FGF13: variants seen among roughly 807,000 people sequenced by gnomAD.
FGF13 encodes fibroblast growth factor homologous factor 2.
Under a neutral mutation model 19.5 loss-of-function variants are expected in FGF13, and 2 were observed. The ratio of observed to expected loss-of-function variants is 0.10; its 90% CI spans 0.04 to 0.32. The LOEUF (loss-of-function observed/expected upper bound fraction) is 0.32, where lower values mean the gene tolerates loss of function less well. Ranked by LOEUF, FGF13 falls within the 10% of genes least tolerant of loss-of-function variation. The pLI is 1.00. For missense variants in FGF13, 113 were observed against 192.7 expected (o/e 0.59, Z 2.45); for synonymous variants, 72 against 76.9 (o/e 0.94, Z 0.33).
intron 1 of FGF13, among the ~76,000 whole-genome samples, chrX:138,720,361 A>G (rs2090139547): frequency 8.9e-6 from 1 of 112,254 alleles, no homozygotes; most frequent in African/African-American, 3.2e-5. Flanking sequence ...AATACTTATA[A>G]TAACCTTATG....
chrX:138,818,678 G>A (rs1195751482), intron 3 of FGF13, among the ~76,000 whole-genome samples: 1 of 110,751 alleles, frequency 9.0e-6, no homozygotes, highest in East Asian at 2.8e-4. Context: ...TCTTAAACAA[G>A]CAATTCGGTA....
At chrX:138,742,275 A>G (rs2090324591), upstream of FGF13, among the ~76,000 whole-genome samples, 1 of 112,284 alleles carries the variant, frequency 8.9e-6, no homozygotes, top group African/African-American at 3.2e-5. Context: ...GAGAAGGTGA[A>G]TACACTAGAT....
intron 1 of FGF13, among the ~76,000 whole-genome samples, chrX:139,006,494 C>T (rs1215234645): frequency 2.7e-5 from 3 of 111,338 alleles, no homozygotes; most frequent in Non-Finnish European, 3.8e-5. Flanking sequence ...ACTGAAGGTA[C>T]AAAACTCACT....
Position 138,617,023 on chromosome X carries a change from A to G in FGF13, c.*15827T>C, listed in dbSNP as rs1187787273. On this transcript the variant is annotated 3_prime_UTR_variant, in exon 5 of 5. Coordinates refer to ENST00000315930, the MANE Select transcript of FGF13 (RefSeq NM_004114.5). ...TTTCCTTCAAGGCCTCCTGGCCTAT[A>G]ATGGGAGAGGCTGCAGTGAAGGTCT... 1 of 111,916 alleles carries G rather than the reference A, an allele frequency of 8.9e-6. No individual in the cohort carries two copies. Among genetic ancestry groups the G allele is most frequent in the African/African-American group, 3.3e-5 (1 of 30,741 alleles). 9.2% of individuals were successfully genotyped at this position (111,916 alleles called of 1,213,427 possible).
At chrX:138,840,009 C>G (rs1371542586) in intron 3 of FGF13, among the ~76,000 whole-genome samples, 1 of 111,787 alleles carries the variant, frequency 8.9e-6, no homozygotes, top group Non-Finnish European at 1.9e-5. Context: ...CCAGATTGCA[C>G]TTTAGCAATG....
intron 1 of FGF13, among the ~76,000 whole-genome samples, chrX:138,736,859 T>C (rs1018294726): frequency 9.1e-5 from 10 of 109,700 alleles, no homozygotes; most frequent in African/African-American, 3.3e-4. Flanking sequence ...ATAGAAAAAC[T>C]CATAATTACT....
At chrX:138,730,573 T>C (rs1327204880) in intron 1 of FGF13, among the ~76,000 whole-genome samples, 1 of 111,263 alleles carries the variant, frequency 9.0e-6, no homozygotes, top group Non-Finnish European at 1.9e-5. Flanking sequence ...AAGATGCATA[T>C]TGTAATCTTG....
In FGF13 at chrX:139,028,582, C is replaced by CGTGTGTGTGTGTGTGTGT. The variant is rs1203709668; in HGVS notation, c.-112-163950_-112-163933dup. Among the ~76,000 whole-genome samples the CGTGTGTGTGTGTGTGTGT allele has an allele frequency of 6.0e-3, 372 of 61,529 alleles. 2 individuals are homozygous for CGTGTGTGTGTGTGTGTGT. Among genetic ancestry groups the CGTGTGTGTGTGTGTGTGT allele is most frequent in the Non-Finnish European group, 9.3e-3 (293 of 31,598 alleles). 53.4% of individuals were successfully genotyped at this position (61,529 alleles called of 115,157 possible). A position where few individuals can be genotyped will look rare whatever the true frequency, so the allele number is the denominator to read the frequency against. On this transcript the variant is annotated intron_variant, in intron 1 of 2. Transcript: ENST00000421460. ...AGGCAGAAGAGAGAGGGAGAGAGAG[C>CGTGTGTGTGTGTGTGTGT]GTGTGTGTGTGTGTGTGTGTGTGTG...
chrX:139,040,560 G>A (rs957507001), intron 1 of FGF13, among the ~76,000 whole-genome samples: 2 of 111,450 alleles, frequency 1.8e-5, no homozygotes, highest in Non-Finnish European at 3.8e-5. Context: ...AACAGATGCT[G>A]GCGAGATTGT....
At chrX:139,151,161 A>T (rs1054244931) in intron 1 of FGF13, among the ~76,000 whole-genome samples, 4 of 111,428 alleles carry the variant, frequency 3.6e-5, no homozygotes, top group Non-Finnish European at 7.5e-5. Flanking sequence ...ACCTTACCCA[A>T]CAAAATCTTA....
At chrX:138,999,775 C>T (rs2092063428) in intron 1 of FGF13, among the ~76,000 whole-genome samples, 1 of 111,982 alleles carries the variant, frequency 8.9e-6, no homozygotes, top group Non-Finnish European at 1.9e-5. Flanking sequence ...GAGCTGGTAC[C>T]ATTCCTTCTG....
At chrX:138,835,991 G>A (rs1486764801) in intron 3 of FGF13, among the ~76,000 whole-genome samples, 3 of 110,979 alleles carry the variant, frequency 2.7e-5, no homozygotes, top group Non-Finnish European at 5.7e-5. Flanking sequence ...AAAAAAGAGA[G>A]AGAATGTTGA....
intron 1 of FGF13, among the ~76,000 whole-genome samples, chrX:138,725,750 C>T (rs940732302): frequency 4.5e-5 from 5 of 110,934 alleles, no homozygotes; most frequent in Non-Finnish European, 7.6e-5. Flanking sequence ...CTGATATTTA[C>T]TTATAGGTAC....
At chrX:139,135,663 CTTAGT>C (rs1357835691) in intron 1 of FGF13, among the ~76,000 whole-genome samples, 1 of 111,660 alleles carries the variant, frequency 9.0e-6, no homozygotes, top group Non-Finnish European at 1.9e-5. Flanking sequence ...TCTATACAAC[CTTAGT>C]TTCCTGACTC....
At chrX:139,007,096 A>G (rs1374538018) in intron 1 of FGF13, among the ~76,000 whole-genome samples, 2 of 112,020 alleles carry the variant, frequency 1.8e-5, no homozygotes, top group Non-Finnish European at 3.8e-5. Context: ...TTTTGCTTAC[A>G]AGAAACATAT....
chrX:139,157,672 TTC>T (rs1241680793), intron 1 of FGF13, among the ~76,000 whole-genome samples: 5 of 113,120 alleles, frequency 4.4e-5, no homozygotes, highest in African/African-American at 1.6e-4. Context: ...GTCTGTGGTA[TTC>T]TGTTTTAGCA....
chrX:139,088,848 G>A (rs940628874), intron 1 of FGF13, among the ~76,000 whole-genome samples: 4 of 111,823 alleles, frequency 3.6e-5, no homozygotes, highest in Non-Finnish European at 7.5e-5. Context: ...ATTAGGTCAT[G>A]AGGTTGGAGG....
At chrX:138,791,800 G>A (rs1227468453) in intron 3 of FGF13, among the ~76,000 whole-genome samples, 3 of 111,916 alleles carry the variant, frequency 2.7e-5, no homozygotes, top group Non-Finnish European at 3.8e-5. Flanking sequence ...TCATTTGTTA[G>A]TCATCAACAT....
chrX:138,958,041 G>A (rs901536078), intron 1 of FGF13, among the ~76,000 whole-genome samples: 2 of 111,754 alleles, frequency 1.8e-5, no homozygotes, highest in South Asian at 7.6e-4. Context: ...TGATTGCCCT[G>A]GCCAGAACTT....
Sources: gnomAD v4.1 joint callset for allele counts (sites outside exome capture counted in the v4.1 genomes callset) on GRCh38, gnomAD v4.1.1 for gene constraint, MANE v1.5 for transcripts, NCBI Gene and HGNC (gene_info 2026-07-23, HGNC 2026-07-21) for gene names.